The following DPP6 variants were observed in gnomAD, a reference collection of about 807,000 sequenced individuals.
The protein encoded by DPP6 is A-type potassium channel modulatory protein DPP6.
In DPP6, 69 loss-of-function variants were observed where a neutral mutation model predicts 122.6. The ratio of observed to expected loss-of-function variants is 0.56; its 90% CI spans 0.46 to 0.69. DPP6 has a LOEUF of 0.69. DPP6 is among the 30% of genes least tolerant of loss of function. The probability of loss-of-function intolerance (pLI) is 0.00; values close to 1 mark genes in which losing one functional copy is unlikely to be tolerated. For synonymous variants in DPP6, 418 were observed against 433.1 expected, an observed-to-expected ratio of 0.97 and a Z score of 0.43; for missense variants, 928 against 1,116.9, an observed-to-expected ratio of 0.83 and a Z score of 2.41.
chr7:154,704,099 C>T (rs1199108839), intron 7 of DPP6, among the ~76,000 whole-genome samples: 1 of 152,130 alleles, frequency 6.6e-6, no homozygotes, highest in Non-Finnish European at 1.5e-5. Flanking sequence ...GCCAAAATAT[C>T]AACATTACCA....
the DPP6 span, among the ~76,000 whole-genome samples, chr7:153,839,184 T>A: frequency 6.6e-6 from 1 of 152,152 alleles, no homozygotes; most frequent in Non-Finnish European, 1.5e-5. Flanking sequence ...TTTTCCCCCA[T>A]TGGAAACAAC....
the DPP6 span, among the ~76,000 whole-genome samples, chr7:153,846,543 G>A: frequency 6.6e-6 from 1 of 151,418 alleles, no homozygotes; most frequent in Non-Finnish European, 1.5e-5. Flanking sequence ...CTTATTTTAT[G>A]GCCCGGCACA....
At chr7:154,432,559 C>T (rs2151259062) in intron 1 of DPP6, among the ~76,000 whole-genome samples, 1 of 152,296 alleles carries the variant, frequency 6.6e-6, no homozygotes, top group Non-Finnish European at 1.5e-5. Flanking sequence ...TCCATCGGGA[C>T]CGAAACTGCT....
Position 154,894,249 on chromosome 7 carries a change from C to T in DPP6, c.*1769C>T, listed in dbSNP as rs1252172049. ...GGGAAGTGGGGATGTGGCATGGTAG[C>T]GTCTGTTCATCCATGGAATAAAACA... On this transcript the variant is annotated 3_prime_UTR_variant, in exon 26 of 26. Coordinates refer to ENST00000377770, the MANE Select transcript of DPP6 (RefSeq NM_130797.4). 6.6e-6 allele frequency: 1 copy of T among 152,246 alleles called. No homozygotes were observed. Among genetic ancestry groups the T allele is most frequent in the Non-Finnish European group, 1.5e-5 (1 of 68,060 alleles). 9.4% of individuals were successfully genotyped at this position (152,246 alleles called of 1,614,324 possible).
At chr7:154,740,077 A>T (rs571703263) in intron 8 of DPP6, among the ~76,000 whole-genome samples, 9 of 152,328 alleles carry the variant, frequency 5.9e-5, no homozygotes, top group Non-Finnish European at 1.2e-4. Flanking sequence ...TACAGGAAGA[A>T]TTCTCATTGG....
intron 25 of DPP6, chr7:154,889,846 G>A (rs1806458799): frequency 2.7e-6 from 1 of 374,816 alleles, no homozygotes; most frequent in Non-Finnish European, 4.9e-6. Flanking sequence ...CTGCCCAGCA[G>A]TGTGGCTGGG....
intron 1 of DPP6, among the ~76,000 whole-genome samples, chr7:154,257,695 T>C (rs576739659): frequency 4.7e-5 from 7 of 147,564 alleles, no homozygotes; most frequent in African/African-American, 1.8e-4. Flanking sequence ...GAAAACTCCA[T>C]TTCAAAAATA....
rs558082758 is a variant in DPP6, at chr7:154,438,056, C to G, written c.244-8158C>G. Among the ~76,000 whole-genome samples the G allele has an allele frequency of 3.3e-5, 5 of 152,278 alleles. No individual in the cohort carries two copies. In the South Asian group the frequency reaches 1.0e-3, roughly 32 times the overall value. On this transcript the variant is annotated intron_variant, in intron 1 of 25. Coordinates refer to ENST00000377770, the MANE Select transcript of DPP6 (RefSeq NM_130797.4). The stretch of plus-strand genomic sequence containing the variant: ...AATATGCCGCAGACACAGGAGCATA[C>G]CCCTCAGGAACCAGGGAGCAGGCGC...
rs1456224908 is a variant in DPP6 at position 154,893,033 on chromosome 7, CAG to C, written c.*556_*557del. On this transcript the variant is annotated 3_prime_UTR_variant, in exon 26 of 26. Transcript: ENST00000377770. ...GGCTACAAGAAAACGCTTTTCTGTA[CAG>C]AGTCTTACTGTAGCTACGCTAATGG... The C allele has an allele frequency of 4.2e-6, 2 of 480,070 alleles. No individual in the cohort carries two copies. The highest frequency in any genetic ancestry group is 3.9e-5 in the African/African-American group (2 of 51,108). 29.7% of individuals were successfully genotyped at this position (480,070 alleles called of 1,614,324 possible). A position where few individuals can be genotyped will look rare whatever the true frequency, so the allele number is the denominator to read the frequency against.
intron 1 of DPP6, among the ~76,000 whole-genome samples, chr7:154,077,064 A>G (rs1563174053): frequency 6.6e-6 from 1 of 152,274 alleles, no homozygotes; most frequent in Non-Finnish European, 1.5e-5. Context: ...GTTTTAAAAC[A>G]ATACTTTTGA....
intron 16 of DPP6, among the ~76,000 whole-genome samples, chr7:154,827,715 G>A (rs1316151079): frequency 1.7e-5 from 1 of 59,246 alleles, no homozygotes; most frequent in Non-Finnish European, 3.6e-5. Flanking sequence ...CTCCCAGAAA[G>A]GACGGCTGGC....
At chr7:154,311,014 G>T (rs1001935949) in intron 1 of DPP6, among the ~76,000 whole-genome samples, 1 of 152,154 alleles carries the variant, frequency 6.6e-6, no homozygotes, top group South Asian at 2.1e-4. Context: ...ATATAATTCG[G>T]GGAGAAAGTG....
intron 1 of DPP6, among the ~76,000 whole-genome samples, chr7:154,419,659 A>G (rs1018699874): frequency 3.9e-5 from 6 of 152,222 alleles, no homozygotes; most frequent in Admixed American, 3.3e-4. Flanking sequence ...ACCAGTCTAT[A>G]AAACTGGTGA....
chr7:154,879,728 G>A (rs1805221895), intron 20 of DPP6, among the ~76,000 whole-genome samples: 1 of 152,178 alleles, frequency 6.6e-6, no homozygotes, highest in Non-Finnish European at 1.5e-5. Flanking sequence ...CTCCAGCCTG[G>A]GCAATGAGCC....
At chr7:154,419,523 C>T (rs911807284) in intron 1 of DPP6, among the ~76,000 whole-genome samples, 7 of 152,162 alleles carry the variant, frequency 4.6e-5, no homozygotes, top group Admixed American at 1.3e-4. Context: ...TTTGCATTTG[C>T]GGGGAGAGGC....
chr7:154,432,014 T>C (rs1818469064), intron 1 of DPP6, among the ~76,000 whole-genome samples: 1 of 152,066 alleles, frequency 6.6e-6, no homozygotes, highest in South Asian at 2.1e-4. Context: ...CTCCTTGGCC[T>C]CTCCACCCTC....
chr7:154,784,014 A>G (rs1263667766), intron 10 of DPP6, among the ~76,000 whole-genome samples: 1 of 152,102 alleles, frequency 6.6e-6, no homozygotes, highest in Non-Finnish European at 1.5e-5. Context: ...GGGCAAAGAC[A>G]CCTGGGGAAC....
intron 1 of DPP6, among the ~76,000 whole-genome samples, chr7:154,237,225 G>C (rs1369347470): frequency 6.6e-6 from 1 of 152,166 alleles, no homozygotes; most frequent in Non-Finnish European, 1.5e-5. Context: ...GGATGTGGCT[G>C]GTTCTGACAT....
At chr7:154,421,857 A>C (rs954142984) in intron 1 of DPP6, among the ~76,000 whole-genome samples, 1 of 151,970 alleles carries the variant, frequency 6.6e-6, no homozygotes, top group Non-Finnish European at 1.5e-5. Context: ...CAGTGGCCCC[A>C]GTGCCCAGCA....
Sources: gnomAD v4.1 joint callset for allele counts (sites outside exome capture counted in the v4.1 genomes callset) on GRCh38, gnomAD v4.1.1 for gene constraint, MANE v1.5 for transcripts, NCBI Gene and HGNC (gene_info 2026-07-23, HGNC 2026-07-21) for gene names.